The following PCDHGA8 variants were observed in gnomAD, a reference collection of about 807,000 sequenced individuals.
The protein encoded by PCDHGA8 is protocadherin gamma-A8.
A neutral mutation model predicts 59.2 loss-of-function variants in PCDHGA8; 45 were observed. The ratio of observed to expected loss-of-function variants is 0.76; its 90% CI spans 0.60 to 0.98. The LOEUF (loss-of-function observed/expected upper bound fraction) is 0.98. Ranked by LOEUF, PCDHGA8 falls within the 50% of genes least tolerant of loss-of-function variation. PCDHGA8 has a pLI of 0.00. For missense variants in PCDHGA8, 1,257 were observed against 1,196.2 expected (o/e 1.05, Z -0.75); for synonymous variants, 531 against 519.0 (o/e 1.02, Z -0.32).
rs548074156 is a variant in PCDHGA8 at position 141,511,069 on chromosome 5, G to A, written c.2695G>A (p.Gly899Ser). The A allele has an allele frequency of 6.2e-7, 1 of 1,614,230 alleles. No individual in the cohort carries two copies. Among genetic ancestry groups the A allele is most frequent in the Non-Finnish European group, 8.5e-7 (1 of 1,180,034 alleles). ...CTACCGCCAGAATGTCTACATCCCA[G>A]GCAGCAATGCCACACTGACCAACGC... ...PDYRQNVYIP[G>S]SNATLTNAAG... The change falls in exon 4 of 4, where the codon GGC becomes AGC. Residue 899 changes from glycine (G) to serine (S), a missense_variant. Physicochemically the swap from Gly to Ser is moderately conservative, Grantham distance 56 (BLOSUM62 0). Transcript: ENST00000398604.
At chr5:141,408,342 TG>T in intron 1 of PCDHGA8, 1 of 1,613,856 alleles carries the variant, frequency 6.2e-7, no homozygotes, top group Non-Finnish European at 8.5e-7. Context: ...GGCTCGGTGG[TG>T]GGGAACCTCG....
At position 141,400,548 on chromosome 5, in the gene PCDHGA8, T is replaced by G. The variant is rs551157559; in HGVS notation, c.2424+5311T>G. On this transcript the variant is annotated intron_variant, in intron 1 of 3. Transcript: ENST00000398604. ...TGGTGAGTTTCATTTATGTCTATTC[T>G]TTTTCATTACCCACCCAATTTTCTG... is the stretch of plus-strand genomic sequence containing the variant. 3.3e-4 allele frequency: 529 copies of G among 1,613,654 alleles called. 1 individual carries two copies. In the South Asian group the frequency reaches 4.9e-3, roughly 15 times the overall value.
chr5:141,415,819 TA>T, intron 1 of PCDHGA8: 2 of 1,328,322 alleles, frequency 1.5e-6, no homozygotes, highest in African/African-American at 1.5e-5. Context: ...CTATATATCA[TA>T]AGGCTTTGTT....
chr5:141,482,505 C>T (rs1183998287), intron 1 of PCDHGA8, among the ~76,000 whole-genome samples: 1 of 122,986 alleles, frequency 8.1e-6, no homozygotes, highest in African/African-American at 3.4e-5. Context: ...TTCTGGTACC[C>T]AGAGTACAGT....
In PCDHGA8 at chr5:141,447,883, C is replaced by T. The variant is rs184337553; in HGVS notation, c.2425-46924C>T. Among the ~76,000 whole-genome samples the T allele has an allele frequency of 3.9e-3, 599 of 152,000 alleles. 3 individuals are homozygous for T. The highest frequency in any genetic ancestry group is 0.014 in the African/African-American group (563 of 41,452). ...GGTGAATCATCTGAGGTCAGGAGTT[C>T]GAGACCAGCCTGGCCAACATGGTGA... On this transcript the variant is annotated intron_variant, in intron 1 of 3. Coordinates refer to ENST00000398604, the MANE Select transcript of PCDHGA8 (RefSeq NM_032088.2).
chr5:141,446,222 G>C (rs74509878), intron 1 of PCDHGA8, among the ~76,000 whole-genome samples: 7,034 of 152,204 alleles, frequency 0.046, 244 homozygotes, highest in African/African-American at 0.093. Flanking sequence ...ATATTGTTGT[G>C]TTGCCTGGCA....
Position 141,487,397 on chromosome 5 carries a change from G to A in PCDHGA8, c.2425-7410G>A. 1 of 1,614,062 alleles carries A rather than the reference G, an allele frequency of 6.2e-7. No homozygotes were observed. Among genetic ancestry groups the A allele is most frequent in the Middle Eastern group, 1.6e-4 (1 of 6,062 alleles). Reference sequence around the variant, plus strand: ...TCTCACCAGATCTCGAAGGAGGGAGGGGCTTCCCCCTTCCAATGGGATCCT... The same window carrying A: ...TCTCACCAGATCTCGAAGGAGGGAGAGGCTTCCCCCTTCCAATGGGATCCT... On this transcript the variant is annotated intron_variant, in intron 1 of 3. Coordinates refer to ENST00000398604, the MANE Select transcript of PCDHGA8 (RefSeq NM_032088.2). This position sits in a 1 kb window ranked among gnomAD's most constrained non-coding sequence, Gnocchi z 5.0.
At position 141,421,474 on chromosome 5, in the gene PCDHGA8, G is replaced by C. The variant is rs1320526226; in HGVS notation, c.2424+26237G>C. 4 of 1,614,132 alleles carry C rather than the reference G, an allele frequency of 2.5e-6. No homozygotes were observed. The African/African-American group carries it at 5.3e-5, about 21-fold the overall frequency. On this transcript the variant is annotated intron_variant, in intron 1 of 3. Coordinates refer to ENST00000398604, the MANE Select transcript of PCDHGA8 (RefSeq NM_032088.2). ...GCTTTTCGCTGTGAATCCGCGAAGCGGCAGCTTGATCACGGCAGGCAGGAT... is the reference window on the plus strand; with the variant it reads ...GCTTTTCGCTGTGAATCCGCGAAGCCGCAGCTTGATCACGGCAGGCAGGAT...
intron 1 of PCDHGA8, among the ~76,000 whole-genome samples, chr5:141,481,293 TC>T (rs2099535148): frequency 6.6e-6 from 1 of 152,174 alleles, no homozygotes; most frequent in South Asian, 2.1e-4. Context: ...ATTTCAGTCA[TC>T]TAAGGGAAAA....
At chr5:141,466,809 C>T (rs1187657283) in intron 1 of PCDHGA8, among the ~76,000 whole-genome samples, 2 of 152,102 alleles carry the variant, frequency 1.3e-5, no homozygotes, top group African/African-American at 4.8e-5. Context: ...CCTATTCAGA[C>T]ATGGTATAAC....
rs1485669709 is a variant in PCDHGA8 at position 141,432,989 on chromosome 5, G to A, written c.2424+37752G>A. On this transcript the variant is annotated intron_variant, in intron 1 of 3. Coordinates refer to ENST00000398604, the MANE Select transcript of PCDHGA8 (RefSeq NM_032088.2). The surrounding 1 kb of genome is among the most constrained non-coding windows in gnomAD (Gnocchi z 6.0). ...GCCGGCGTCGCACTTTGTGGGCGTG[G>A]ACGGGGTGCAGGCTTTCCTGCAGAC... The A allele has an allele frequency of 1.9e-6, 3 of 1,614,210 alleles. No individual in the cohort carries two copies. The highest frequency in any genetic ancestry group is 1.3e-5 in the African/African-American group (1 of 75,066).
At chr5:141,430,752 A>C (rs772436100) in intron 1 of PCDHGA8, 1 of 1,501,400 alleles carries the variant, frequency 6.7e-7, no homozygotes, top group East Asian at 2.3e-5. Context: ...TTCTGGAGGA[A>C]GATAAGAATG....
intron 1 of PCDHGA8, chr5:141,478,346 G>A: frequency 6.2e-7 from 1 of 1,613,794 alleles, no homozygotes; most frequent in African/African-American, 1.3e-5. Context: ...CTCCTTGCAC[G>A]CGGACGCCGT....
intron 1 of PCDHGA8, among the ~76,000 whole-genome samples, chr5:141,488,087 G>A (rs1479773288): frequency 6.6e-6 from 1 of 152,198 alleles, no homozygotes; most frequent in East Asian, 1.9e-4. Flanking sequence ...CTAGTACACT[G>A]TGAAGGGACC....
In PCDHGA8 at chr5:141,393,043, T is replaced by C. The variant is rs770560068; in HGVS notation, c.230T>C (p.Leu77Pro). ...AGAGGTAGGACGCAGCTCTTTGCTC[T>C]GAACCCGCGCAGCGGCAGCTTGATC... ...VSRGRTQLFA[L>P]NPRSGSLITA... The change falls in exon 1 of 4, where the codon CTG becomes CCG. Residue 77 changes from leucine to proline, a missense_variant. Transcript: ENST00000398604. The C allele has an allele frequency of 6.2e-7, 1 of 1,613,732 alleles. No individual in the cohort carries two copies. Among genetic ancestry groups the C allele is most frequent in the South Asian group, 1.1e-5 (1 of 91,054 alleles).
chr5:141,418,125 G>A (rs765373450), intron 1 of PCDHGA8: 2 of 1,614,086 alleles, frequency 1.2e-6, no homozygotes, highest in Middle Eastern at 1.7e-4. Flanking sequence ...GTGAAGGACC[G>A]AATAGACCGT....
intron 1 of PCDHGA8, among the ~76,000 whole-genome samples, chr5:141,444,466 C>T (rs539222916): frequency 7.9e-5 from 12 of 152,100 alleles, no homozygotes; most frequent in East Asian, 1.9e-4. Context: ...TCACTGCGCC[C>T]GGTCGCGTAC....
Position 141,511,156 on chromosome 5 carries a change from A to G in PCDHGA8, c.2782A>G (p.Lys928Glu), listed in dbSNP as rs2099883637. 6.2e-7 allele frequency: 1 copy of G among 1,614,080 alleles called. No individual in the cohort carries two copies. The highest frequency in any genetic ancestry group is 1.3e-5 in the African/African-American group (1 of 74,940). Residue 928 changes from lysine (K) to glutamate (E), a missense_variant, in exon 4 of 4, where the codon AAG (lysine) becomes GAG (glutamate). By Grantham distance (56) the Lys-to-Glu change is moderately conservative (BLOSUM62 1). Transcript: ENST00000398604. ...CAATGGCAACAAGAAGAAGTCGGGC[A>G]AGAAGGAGAAGAAGTAACATGGAGG... is the stretch of plus-strand genomic sequence containing the variant. ...GGNGNKKKSG[K>E]KEKK
At chr5:141,397,725 C>T (rs1292048088) in intron 1 of PCDHGA8, among the ~76,000 whole-genome samples, 1 of 152,180 alleles carries the variant, frequency 6.6e-6, no homozygotes, top group Non-Finnish European at 1.5e-5. Flanking sequence ...ATTTGGAAAA[C>T]AGAGAAAGAT....
Sources: allele counts gnomAD v4.1 joint callset (sites outside exome capture counted in the v4.1 genomes callset), GRCh38; gene constraint gnomAD v4.1.1; non-coding constraint Gnocchi (gnomAD v3.1); transcripts MANE v1.5; gene names NCBI Gene and HGNC (gene_info 2026-07-23, HGNC 2026-07-21).